The following HEATR4 variants were observed in gnomAD, a reference collection of about 807,000 sequenced individuals.
The protein encoded by HEATR4 is HEAT repeat-containing protein 4.
Under a neutral mutation model 108.8 loss-of-function variants are expected in HEATR4, and 95 were observed. The observed-to-expected ratio is 0.87, with a 90% CI of 0.74 to 1.04. The LOEUF (loss-of-function observed/expected upper bound fraction) is 1.04, where lower values mean the gene tolerates loss of function less well. Among genes scored for constraint, HEATR4 ranks in the 50% least tolerant of loss-of-function variants. The pLI is 0.00. For synonymous variants in HEATR4, 443 were observed against 459.4 expected (o/e 0.96, Z 0.46); for missense variants, 1,152 against 1,253.8 (o/e 0.92, Z 1.23).
At chr14:73,603,555 A>G in the HEATR4 span, among the ~76,000 whole-genome samples, 2 of 151,948 alleles carry the variant, frequency 1.3e-5, no homozygotes, top group Admixed American at 1.3e-4. Context: ...GGGTTTCACC[A>G]TGTTAGCCAG....
chr14:73,619,493 G>A, the HEATR4 span: 1 of 1,614,212 alleles, frequency 6.2e-7, no homozygotes, highest in Non-Finnish European at 8.5e-7. Flanking sequence ...AATCACCAAA[G>A]TCTTGTTCCA....
At chr14:73,572,543 AAG>A in the HEATR4 span, among the ~76,000 whole-genome samples, 2 of 151,060 alleles carry the variant, frequency 1.3e-5, no homozygotes, top group East Asian at 2.0e-4. Flanking sequence ...GGATACTGGA[AAG>A]AGAGGAAAGG....
chr14:73,524,566 G>A (rs1439617589), intron 2 of HEATR4, among the ~76,000 whole-genome samples: 1 of 150,570 alleles, frequency 6.6e-6, no homozygotes, highest in Non-Finnish European at 1.5e-5. Flanking sequence ...AAGATATTAT[G>A]ATCTTCCTTT....
intron 7 of HEATR4, among the ~76,000 whole-genome samples, chr14:73,510,189 A>T (rs1338373958): frequency 6.6e-6 from 1 of 151,706 alleles, no homozygotes; most frequent in Non-Finnish European, 1.5e-5. Flanking sequence ...GAACAATTAT[A>T]TTTAGGTAGT....
intron 17 of HEATR4, chr14:73,491,892 C>T (rs1403675919): frequency 1.9e-6 from 3 of 1,611,562 alleles, no homozygotes; most frequent in South Asian, 1.1e-5. Context: ...CTGTACCAGG[C>T]CGGCTGCTCC....
the HEATR4 span, among the ~76,000 whole-genome samples, chr14:73,621,748 CCTTTCTTT>C: frequency 6.7e-6 from 1 of 148,210 alleles, no homozygotes; most frequent in Non-Finnish European, 1.5e-5. Context: ...GTATAATTTT[CCTTTCTTT>C]CTTTCTTTTT....
At chr14:73,541,012 G>T (rs1889064834) in intron 1 of HEATR4, among the ~76,000 whole-genome samples, 1 of 115,384 alleles carries the variant, frequency 8.7e-6, no homozygotes, top group African/African-American at 2.9e-5. Flanking sequence ...AAAGTGCTGG[G>T]ATTACAGGCG....
At chr14:73,631,978 G>A in the HEATR4 span, 3,362 of 158,842 alleles carry the variant, frequency 0.021, 52 homozygotes, top group Middle Eastern at 0.032. Flanking sequence ...CCTGGAACAA[G>A]GTGGCGATCT....
Position 73,548,163 on chromosome 14 carries a change from G to A in HEATR4, c.-152+10588C>T. Among the ~76,000 whole-genome samples the A allele has an allele frequency of 1.7e-5, 2 of 115,786 alleles. 1 individual carries two copies. The highest frequency in any genetic ancestry group is 3.8e-5 in the Non-Finnish European group (2 of 52,980). 76.0% of individuals were successfully genotyped at this position (115,786 alleles called of 152,430 possible). On this transcript the variant is annotated intron_variant, in intron 1 of 17. Transcript: ENST00000553558. ...GGCTGGTCTCGAACTCCTGGCCTCA[G>A]GTGAGCCTCCTGTAATCAGTAGAAG...
chr14:73,592,124 C>T, the HEATR4 span: 8 of 1,557,498 alleles, frequency 5.1e-6, no homozygotes, highest in South Asian at 2.4e-5. Flanking sequence ...ACTGCGCCGA[C>T]GCCCGCGGCG....
chr14:73,493,062 T>A lies in HEATR4; in HGVS notation c.2844+4A>T. ...TTGATAAGCATCAGTGTGCTCACATTTACCTTTATCACTGCTTCAGTGTCA... is the reference window on the plus strand; with the variant it reads ...TTGATAAGCATCAGTGTGCTCACATATACCTTTATCACTGCTTCAGTGTCA... On this transcript the variant is annotated splice_donor_region_variant and intron_variant, in intron 17 of 17. Coordinates refer to ENST00000553558, the MANE Select transcript of HEATR4 (RefSeq NM_001220484.1). 6.2e-7 allele frequency: 1 copy of A among 1,610,490 alleles called. No homozygotes were observed. The highest frequency in any genetic ancestry group is 1.7e-5 in the Admixed American group (1 of 59,640).
At chr14:73,494,461 A>T (rs539171914) in intron 16 of HEATR4, among the ~76,000 whole-genome samples, 31 of 152,348 alleles carry the variant, frequency 2.0e-4, no homozygotes, top group Middle Eastern at 3.4e-3. Flanking sequence ...AATTCTTTTT[A>T]AAAAAGTTAC....
At chr14:73,575,613 C>T in the HEATR4 span, 78,944 of 1,563,678 alleles carry the variant, frequency 0.05, 2,284 homozygotes, top group African/African-American at 0.12. Context: ...TTTTTAATAA[C>T]TAAAGTTTTT....
At chr14:73,611,750 GTATTAA>G in the HEATR4 span, among the ~76,000 whole-genome samples, 44 of 152,270 alleles carry the variant, frequency 2.9e-4, no homozygotes, top group African/African-American at 1.0e-3. Context: ...AGATCACCAG[GTATTAA>G]TATTAAGGAT....
At chr14:73,573,627 T>C in the HEATR4 span, 1 of 1,610,590 alleles carries the variant, frequency 6.2e-7, no homozygotes, top group African/African-American at 1.3e-5. Flanking sequence ...CTATGATGTA[T>C]CAGGTCTCTT....
chr14:73,586,821 C>T, the HEATR4 span, among the ~76,000 whole-genome samples: 5 of 152,064 alleles, frequency 3.3e-5, no homozygotes. Flanking sequence ...AAGCCATCTT[C>T]CCATCCCAGC....
intron 8 of HEATR4, among the ~76,000 whole-genome samples, chr14:73,508,751 CAAAAAAA>C (rs770608293): frequency 1.4e-4 from 8 of 57,882 alleles, no homozygotes; most frequent in African/African-American, 5.2e-4. Context: ...AACTCTGTCT[CAAAAAAA>C]AAAAAAAAAA....
At chr14:73,555,616 T>C (rs1177091608) in intron 1 of HEATR4, among the ~76,000 whole-genome samples, 3 of 115,574 alleles carry the variant, frequency 2.6e-5, no homozygotes, top group African/African-American at 8.4e-5. Context: ...CACATCAGTG[T>C]GTCCACATCT....
At chr14:73,604,955 C>G in the HEATR4 span, among the ~76,000 whole-genome samples, 1 of 152,170 alleles carries the variant, frequency 6.6e-6, no homozygotes, top group Admixed American at 6.5e-5. Context: ...ATAAGGAAAA[C>G]AGAGGGTTTC....
Sources: allele counts gnomAD v4.1 joint callset (sites outside exome capture counted in the v4.1 genomes callset), GRCh38; gene constraint gnomAD v4.1.1; transcripts MANE v1.5; gene names NCBI Gene and HGNC (gene_info 2026-07-23, HGNC 2026-07-21).